Variants in WDFY1 observed in about 807,000 individuals in gnomAD.
WDFY1 encodes WD repeat and FYVE domain-containing protein 1.
WDFY1 carries 32 observed loss-of-function variants against 56.4 expected under a neutral mutation model. That is an observed-to-expected ratio of 0.57 (90% CI 0.43 to 0.76). WDFY1 has a LOEUF of 0.76. Among genes scored for constraint, WDFY1 ranks in the 30% least tolerant of loss-of-function variants. The pLI is 0.00. For missense variants in WDFY1, 480 were observed against 545.7 expected (o/e 0.88, Z 1.20); for synonymous variants, 192 against 197.3 (o/e 0.97, Z 0.23).
At chr2:223,937,133 G>C (rs1694178647) in intron 1 of WDFY1, among the ~76,000 whole-genome samples, 1 of 152,202 alleles carries the variant, frequency 6.6e-6, no homozygotes, top group Admixed American at 6.5e-5. Context: ...GACATGACCT[G>C]CAAGTAACCA....
At chr2:223,911,732 C>T (rs566185128) in intron 3 of WDFY1, among the ~76,000 whole-genome samples, 8 of 152,142 alleles carry the variant, frequency 5.3e-5, no homozygotes, top group Middle Eastern at 3.4e-3. Flanking sequence ...CTATCAATTA[C>T]GACAGCATTC....
intron 8 of WDFY1, among the ~76,000 whole-genome samples, chr2:223,888,901 CTTTT>C (rs71058955): frequency 1.6e-5 from 1 of 61,430 alleles, no homozygotes. Context: ...ATTCTCAACT[CTTTT>C]TTTTTTTTTT....
intron 8 of WDFY1, among the ~76,000 whole-genome samples, chr2:223,886,455 T>A (rs1342265776): frequency 6.6e-6 from 1 of 152,144 alleles, no homozygotes; most frequent in African/African-American, 2.4e-5. Context: ...CCGGGCGCAG[T>A]GGCTCACACC....
intron 2 of WDFY1, among the ~76,000 whole-genome samples, chr2:223,916,420 C>T (rs1693789018): frequency 1.3e-5 from 2 of 152,188 alleles, no homozygotes; most frequent in Admixed American, 6.5e-5. Context: ...AAGCAGTGGA[C>T]AGCATCAGCA....
At chr2:223,940,977 C>T (rs887244231) in intron 1 of WDFY1, among the ~76,000 whole-genome samples, 1 of 152,200 alleles carries the variant, frequency 6.6e-6, no homozygotes, top group Non-Finnish European at 1.5e-5. Flanking sequence ...CATGTGCCAC[C>T]ACGCCCAGCT....
chr2:223,879,381 C>T (rs2106068460), intron 11 of WDFY1, among the ~76,000 whole-genome samples: 1 of 151,930 alleles, frequency 6.6e-6, no homozygotes, highest in East Asian at 1.9e-4. Context: ...TTAGGCCATG[C>T]ATGGTGGATC....
chr2:223,878,762 G>A (rs1388500622), intron 11 of WDFY1, 32 bp from the exon 12 acceptor site: 3 of 1,613,292 alleles, frequency 1.9e-6, no homozygotes, highest in East Asian at 4.5e-5. Context: ...AGAAAAGGCA[G>A]CAGTGATAAC....
rs773833298 is a variant in WDFY1, at chr2:223,890,269, C to T, written c.831+3965G>A. Among the ~76,000 whole-genome samples the T allele has an allele frequency of 4.4e-4, 67 of 152,182 alleles. 1 individual carries two copies. The highest frequency in any genetic ancestry group is 8.5e-4 in the Admixed American group (13 of 15,288). On this transcript the variant is annotated intron_variant, in intron 8 of 11. Transcript: ENST00000233055. ...GGTGGATCACTTGAGGCCAGGAGTT[C>T]GAGACCAGCCTGGCCAACATGGTGA...
At chr2:223,919,952 C>T (rs546888051) in intron 1 of WDFY1, among the ~76,000 whole-genome samples, 1 of 152,250 alleles carries the variant, frequency 6.6e-6, no homozygotes, top group East Asian at 1.9e-4. Context: ...TGCCAATTAC[C>T]ACAAGGCCTG....
chr2:223,885,853 A>G (rs899596295), intron 8 of WDFY1, among the ~76,000 whole-genome samples: 1 of 152,064 alleles, frequency 6.6e-6, no homozygotes, highest in Non-Finnish European at 1.5e-5. Context: ...TCCTGGGGCC[A>G]CACAGGCATC....
intron 9 of WDFY1, 145 bp downstream of exon 9, chr2:223,884,503 T>C (rs566277842): frequency 1.3e-6 from 1 of 750,376 alleles, no homozygotes; most frequent in African/African-American, 1.7e-5. Flanking sequence ...TCCTCATTGT[T>C]AGTCACACAA....
intron 1 of WDFY1, among the ~76,000 whole-genome samples, chr2:223,925,893 A>G (rs1043751663): frequency 2.0e-5 from 3 of 152,212 alleles, no homozygotes; most frequent in Admixed American, 1.3e-4. Flanking sequence ...AGTCACATCT[A>G]TATGTTCCAC....
chr2:223,918,818 G>A (rs1349385295), intron 1 of WDFY1, among the ~76,000 whole-genome samples: 1 of 152,090 alleles, frequency 6.6e-6, no homozygotes, highest in African/African-American at 2.4e-5. Context: ...GGGGCGCCAC[G>A]CACACCAGGA....
At chr2:223,926,291 C>T (rs929789364) in intron 1 of WDFY1, among the ~76,000 whole-genome samples, 4 of 152,106 alleles carry the variant, frequency 2.6e-5, no homozygotes, top group African/African-American at 9.7e-5. Flanking sequence ...GGACTACAGG[C>T]ACACACCACG....
At chr2:223,930,789 A>T (rs999933267) in intron 1 of WDFY1, among the ~76,000 whole-genome samples, 1 of 152,188 alleles carries the variant, frequency 6.6e-6, no homozygotes, top group Non-Finnish European at 1.5e-5. Flanking sequence ...AAATGACGAC[A>T]TGGGAGAGAG....
intron 8 of WDFY1, among the ~76,000 whole-genome samples, chr2:223,891,700 A>G (rs1374812732): frequency 6.6e-6 from 1 of 152,170 alleles, no homozygotes; most frequent in African/African-American, 2.4e-5. Context: ...AGAATTTACC[A>G]ACGATAAAAA....
At chr2:223,921,405 G>A (rs895568523) in intron 1 of WDFY1, among the ~76,000 whole-genome samples, 4 of 152,042 alleles carry the variant, frequency 2.6e-5, no homozygotes, top group African/African-American at 9.7e-5. Context: ...AGTCAAGACT[G>A]CAGGAAACTC....
intron 5 of WDFY1, among the ~76,000 whole-genome samples, chr2:223,900,514 G>A (rs555821316): frequency 3.9e-5 from 6 of 152,060 alleles, no homozygotes; most frequent in African/African-American, 1.4e-4. Context: ...CTTAGGTAAG[G>A]GCGAGCTCTA....
chr2:223,887,666 C>T (rs972679203), intron 8 of WDFY1, among the ~76,000 whole-genome samples: 2 of 152,048 alleles, frequency 1.3e-5, no homozygotes, highest in Non-Finnish European at 2.9e-5. Flanking sequence ...TTAAGTATTA[C>T]TTAAAATAAA....
Sources: allele counts gnomAD v4.1 joint callset (sites outside exome capture counted in the v4.1 genomes callset), GRCh38; gene constraint gnomAD v4.1.1; transcripts MANE v1.5; gene names NCBI Gene and HGNC (gene_info 2026-07-23, HGNC 2026-07-21).